The following MIA2 variants were observed in gnomAD, a reference collection of about 807,000 sequenced individuals.
MIA2 encodes the protein MIA SH3 domain ER export factor 2.
Under a neutral mutation model 167.8 loss-of-function variants are expected in MIA2, and 127 were observed. The ratio of observed to expected loss-of-function variants is 0.76; its 90% CI spans 0.66 to 0.88. The LOEUF (loss-of-function observed/expected upper bound fraction) is 0.88. MIA2 is among the 40% of genes least tolerant of loss of function. MIA2 has a pLI of 0.00. For synonymous variants in MIA2, 552 were observed against 541.9 expected, an observed-to-expected ratio of 1.02 and a Z score of -0.26; for missense variants, 1,690 against 1,624.7, an observed-to-expected ratio of 1.04 and a Z score of -0.69.
chr14:39,363,278 T>C lies in MIA2; in HGVS notation c.2248+14301T>C, dbSNP rs1252921553. The stretch of plus-strand genomic sequence containing the variant: ...GGTGCTGTGGCTCACACCTGTAATC[T>C]CAGCACTTTGGGAGGCCAAGGTGGG... On this transcript the variant is annotated intron_variant, in intron 23 of 23. Coordinates refer to the MIA2 transcript ENST00000341502. Among the ~76,000 whole-genome samples, 3 of 152,312 alleles carry C rather than the reference T, an allele frequency of 2.0e-5. No individual in the cohort carries two copies. In the East Asian group the frequency reaches 5.8e-4, roughly 29 times the overall value.
At position 39,324,140 on chromosome 14, in the gene MIA2, C is replaced by G. The variant is rs542260095; in HGVS notation, c.3497-2724C>G. Among the ~76,000 whole-genome samples the G allele has an allele frequency of 4.6e-5, 7 of 152,260 alleles. No homozygotes were observed. The South Asian group carries it at 8.3e-4, about 18-fold the overall frequency. ...CTGGGTTTGAATAGAAAACTTTAAC[C>G]ATTAGAACTTTTAGGTTTGTAATAT... On this transcript the variant is annotated intron_variant, in intron 24 of 28. Coordinates refer to ENST00000640607, the MANE Select transcript of MIA2 (RefSeq NM_001329214.4).
intron 6 of MIA2, chr14:39,265,665 C>T (rs1041254512): frequency 1.4e-4 from 54 of 376,084 alleles, no homozygotes; most frequent in African/African-American, 1.1e-3. Flanking sequence ...TTTGAAAGTT[C>T]TAAAACCTGA....
At chr14:39,335,324 TTATC>T (rs1474734545) in intron 25 of MIA2, among the ~76,000 whole-genome samples, 1 of 152,328 alleles carries the variant, frequency 6.6e-6, no homozygotes, top group Non-Finnish European at 1.5e-5. Flanking sequence ...GCATTTGAGA[TTATC>T]TGTCATTTAG....
intron 13 of MIA2, among the ~76,000 whole-genome samples, chr14:39,295,441 T>C (rs2061294378): frequency 6.6e-6 from 1 of 152,202 alleles, no homozygotes; most frequent in Non-Finnish European, 1.5e-5. Flanking sequence ...CCCACGTATA[T>C]TTCTTCTTCT....
At chr14:39,268,693 T>G (rs2056515300) in intron 6 of MIA2, among the ~76,000 whole-genome samples, 1 of 152,184 alleles carries the variant, frequency 6.6e-6, no homozygotes, top group Non-Finnish European at 1.5e-5. Flanking sequence ...GATAGTAGCA[T>G]GTAGATTAGA....
In MIA2 at chr14:39,246,082, T is replaced by TTTTTTTTATTTATTTA. The variant is rs1555343286; in HGVS notation, c.337-826_337-825insTTTTATTTATTTATTT. Reference sequence around the variant, plus strand: ...AAACATTTCAATTATTTTTAAAAATTTTTATTTATTTATTTATTTATTTAT... The same window carrying TTTTTTTTATTTATTTA: ...AAACATTTCAATTATTTTTAAAAATTTTTTTTTATTTATTTATTTATTTATTTATTTATTTATTTAT... On this transcript the variant is annotated intron_variant, in intron 3 of 28. Coordinates refer to ENST00000640607, the MANE Select transcript of MIA2 (RefSeq NM_001329214.4). Among the ~76,000 whole-genome samples, 10 of 143,368 alleles carry TTTTTTTTATTTATTTA rather than the reference T, an allele frequency of 7.0e-5. No individual in the cohort carries two copies. In the East Asian group the frequency reaches 1.4e-3, roughly 21 times the overall value. The allele number at this position is 143,368 out of a possible 152,430, so 94.1% of individuals were successfully genotyped here.
At chr14:39,254,009 CAG>C (rs2054702766) in intron 6 of MIA2, among the ~76,000 whole-genome samples, 1 of 152,100 alleles carries the variant, frequency 6.6e-6, no homozygotes, top group Non-Finnish European at 1.5e-5. Context: ...TTGGAGGACA[CAG>C]ATAAAAAAGT....
chr14:39,254,022 A>C (rs1247547070), intron 6 of MIA2, among the ~76,000 whole-genome samples: 3 of 152,232 alleles, frequency 2.0e-5, no homozygotes, highest in Non-Finnish European at 2.9e-5. Flanking sequence ...ATAAAAAAGT[A>C]ATAATTTTAA....
At chr14:39,348,208 C>T (rs1055750231) in intron 27 of MIA2, among the ~76,000 whole-genome samples, 1 of 152,112 alleles carries the variant, frequency 6.6e-6, no homozygotes, top group African/African-American at 2.4e-5. Flanking sequence ...AGCTGATTTT[C>T]TCTTTTTGAT....
At chr14:39,378,640 C>T (rs1017318710) in intron 23 of MIA2, among the ~76,000 whole-genome samples, 1 of 152,176 alleles carries the variant, frequency 6.6e-6, no homozygotes, top group African/African-American at 2.4e-5. Context: ...ATAACATACA[C>T]TAAAACATCA....
intron 2 of MIA2, among the ~76,000 whole-genome samples, 182 bp from the exon 3 acceptor site, chr14:39,240,379 A>G (rs890559346): frequency 1.3e-5 from 2 of 152,228 alleles, no homozygotes; most frequent in African/African-American, 2.4e-5. Context: ...CCTTAAATAA[A>G]TGCTCTTCTT....
At position 39,287,230 on chromosome 14, in the gene MIA2, C is replaced by T. The variant is rs111371574; in HGVS notation, c.2131-3789C>T. 4.5e-3 allele frequency among the ~76,000 whole-genome samples: 687 copies of T among 151,930 alleles called. 5 individuals are homozygous for T. The highest frequency in any genetic ancestry group is 0.015 in the African/African-American group (609 of 41,386). ...CTGGGACTACAGGCGTGCACCACCA[C>T]GCCCAGTTAATTTTTTGTATTTTTT... On this transcript the variant is annotated intron_variant, in intron 9 of 28. Coordinates refer to ENST00000640607, the MANE Select transcript of MIA2 (RefSeq NM_001329214.4).
At chr14:39,329,922 G>T (rs968269412) in intron 25 of MIA2, among the ~76,000 whole-genome samples, 3 of 152,050 alleles carry the variant, frequency 2.0e-5, no homozygotes, top group African/African-American at 7.2e-5. Flanking sequence ...ATATTGGCCT[G>T]AAATTTTCTT....
intron 6 of MIA2, among the ~76,000 whole-genome samples, chr14:39,259,334 A>G (rs764774286): frequency 6.6e-6 from 1 of 152,218 alleles, no homozygotes; most frequent in Non-Finnish European, 1.5e-5. Flanking sequence ...CACCCAGTCC[A>G]GACCGCCCAG....
chr14:39,344,918 A>G (rs1175192375), intron 25 of MIA2, among the ~76,000 whole-genome samples: 1 of 152,160 alleles, frequency 6.6e-6, no homozygotes, highest in African/African-American at 2.4e-5. Flanking sequence ...CCATATTGTC[A>G]TCATAAATCA....
At chr14:39,271,583 G>A (rs1476555531) in intron 6 of MIA2, among the ~76,000 whole-genome samples, 1 of 151,970 alleles carries the variant, frequency 6.6e-6, no homozygotes, top group Admixed American at 6.6e-5. Context: ...ATTTTAATAG[G>A]GGTTGCATTG....
chr14:39,350,084 ATC>A lies in MIA2; in HGVS notation c.4073-10_4073-9del, dbSNP rs778666969. On this transcript the variant is annotated splice_polypyrimidine_tract_variant and intron_variant, in intron 28 of 28. Coordinates refer to ENST00000640607, the MANE Select transcript of MIA2 (RefSeq NM_001329214.4). ...TAAAGTTAAAAAATGTCTTTTACCA[ATC>A]TCTTTGAACAGTGAGAAATGTCTAT... is the stretch of plus-strand genomic sequence containing the variant. 6 of 1,126,560 alleles carry A rather than the reference ATC, an allele frequency of 5.3e-6. No individual in the cohort carries two copies. The Middle Eastern group carries it at 5.9e-4, about 111-fold the overall frequency. The allele number at this position is 1,126,560 out of a possible 1,614,324, so 69.8% of individuals were successfully genotyped here.
In MIA2 at chr14:39,303,506, A is replaced by G; in HGVS notation, c.2769A>G (p.Lys923=). 4.3e-6 allele frequency: 7 copies of G among 1,611,328 alleles called. No homozygotes were observed. The highest frequency in any genetic ancestry group is 5.9e-6 in the Non-Finnish European group (7 of 1,178,278). The part of the protein sequence containing the change: ...LDNPPKGALK[K]LIHAAKLNAS... ...ATCCTCCAAAAGGAGCTTTGAAGAA[A>G]CTGATTCATGCTGCTAAGGTTTGTG... is the stretch of plus-strand genomic sequence containing the variant. The change falls in exon 16 of 29, where the codon AAA becomes AAG. Residue 923 remains lysine, a synonymous_variant. Transcript: ENST00000640607.
chr14:39,311,312 C>T (rs1008651848), intron 18 of MIA2, among the ~76,000 whole-genome samples: 15 of 136,272 alleles, frequency 1.1e-4, no homozygotes, highest in African/African-American at 3.7e-4. Context: ...TTGATAGTAC[C>T]AGTGAAGTGT....
Sources: gnomAD v4.1 joint callset for allele counts (sites outside exome capture counted in the v4.1 genomes callset) on GRCh38, gnomAD v4.1.1 for gene constraint, MANE v1.5 for transcripts, NCBI Gene and HGNC (gene_info 2026-07-23, HGNC 2026-07-21) for gene names.